NAV1: variants seen among roughly 807,000 people sequenced by gnomAD.
NAV1 encodes pore membrane and/or filament interacting like protein 3.
NAV1 carries 18 observed loss-of-function variants against 175.2 expected under a neutral mutation model. That is an observed-to-expected ratio of 0.10 (90% CI 0.07 to 0.15). The LOEUF is 0.15. NAV1 is among the 10% of genes least tolerant of loss of function. The pLI, the probability that NAV1 is intolerant of heterozygous loss-of-function variation, is 1.00. For missense variants in NAV1, 1,731 were observed against 2,436.6 expected, an observed-to-expected ratio of 0.71 and a Z score of 6.10; for synonymous variants, 897 against 978.7, an observed-to-expected ratio of 0.92 and a Z score of 1.56.
chr1:201,774,763 A>G (rs1675827666), intron 3 of NAV1, among the ~76,000 whole-genome samples: 1 of 152,214 alleles, frequency 6.6e-6, no homozygotes, highest in Admixed American at 6.5e-5. Flanking sequence ...CTTAGGATAT[A>G]TTTCACATAT....
intron 1 of NAV1, among the ~76,000 whole-genome samples, chr1:201,703,345 G>A (rs1369598013): frequency 3.3e-5 from 5 of 152,312 alleles, no homozygotes; most frequent in South Asian, 4.1e-4. Context: ...AGCCCAGCCC[G>A]GAAGTCCAAG....
In NAV1 at chr1:201,702,750, C is replaced by T. The variant is rs182983474; in HGVS notation, c.758-10067C>T. Reference sequence around the variant, plus strand: ...TCTCTCTCCCCATTCTGACTAGTGGCGACAATATTGGACTATGCGCTCTAG... The same window carrying T: ...TCTCTCTCCCCATTCTGACTAGTGGTGACAATATTGGACTATGCGCTCTAG... On this transcript the variant is annotated intron_variant, in intron 1 of 29. Coordinates refer to ENST00000367296, the Ensembl canonical transcript of NAV1. Among the ~76,000 whole-genome samples the T allele has an allele frequency of 1.3e-3, 185 of 145,490 alleles. 3 individuals carry two copies. Among genetic ancestry groups the T allele is most frequent in the African/African-American group, 4.7e-3 (181 of 38,514 alleles).
At chr1:201,692,733 A>C (rs1350055346) in intron 1 of NAV1, among the ~76,000 whole-genome samples, 1 of 152,288 alleles carries the variant, frequency 6.6e-6, no homozygotes, top group Non-Finnish European at 1.5e-5. Flanking sequence ...AGGTAGGATC[A>C]GAGGCAGAGC....
chr1:201,707,398 G>C (rs1024347000), intron 1 of NAV1, among the ~76,000 whole-genome samples: 3 of 152,182 alleles, frequency 2.0e-5, no homozygotes, highest in Non-Finnish European at 4.4e-5. Flanking sequence ...TTGTGAATTA[G>C]CTCTTTAAGC....
chr1:201,718,711 C>T lies in NAV1; in HGVS notation c.1182C>T (p.Asp394=), dbSNP rs762057299. Residue 394 remains aspartate, a synonymous_variant, in exon 3 of 30, where the codon GAC becomes GAT. Coordinates refer to ENST00000367296, the Ensembl canonical transcript of NAV1. The surrounding 1 kb of genome is among the most constrained non-coding windows in gnomAD (Gnocchi z 4.8). ...AGTCCGGCTACATGAGCGACAGTGA[C>T]CTCATGGGCAAGACCATGACGGAGG... The T allele has an allele frequency of 1.2e-6, 2 of 1,613,962 alleles. No homozygotes were observed. Among genetic ancestry groups the T allele is most frequent in the African/African-American group, 1.3e-5 (1 of 74,922 alleles).
At chr1:201,597,047 A>G (rs1413129191) in intron 2 of NAV1, among the ~76,000 whole-genome samples, 1 of 152,108 alleles carries the variant, frequency 6.6e-6, no homozygotes, top group Non-Finnish European at 1.5e-5. Flanking sequence ...GCTGGTCTCA[A>G]ACTCCTAACC....
chr1:201,697,832 C>T lies in NAV1; in HGVS notation c.758-14985C>T, dbSNP rs185575710. Among the ~76,000 whole-genome samples the T allele has an allele frequency of 3.0e-3, 455 of 152,322 alleles. 3 individuals are homozygous for T. The highest frequency in any genetic ancestry group is 0.011 in the African/African-American group (445 of 41,566). ...ACTTTAAAACAATGTGTGGAGCACCCACTGTGTTTGAGGTGTCAGAATGGG... is the reference window on the plus strand; with the variant it reads ...ACTTTAAAACAATGTGTGGAGCACCTACTGTGTTTGAGGTGTCAGAATGGG... On this transcript the variant is annotated intron_variant, in intron 1 of 29. Coordinates refer to ENST00000367296, the Ensembl canonical transcript of NAV1.
At chr1:201,666,866 C>A (rs1341566765) in intron 1 of NAV1, among the ~76,000 whole-genome samples, 1 of 152,128 alleles carries the variant, frequency 6.6e-6, no homozygotes, top group East Asian at 1.9e-4. Flanking sequence ...CTTGGCAGAA[C>A]CAGCAGGCAG....
chr1:201,720,853 C>T (rs1214655396), intron 3 of NAV1, among the ~76,000 whole-genome samples: 2 of 151,666 alleles, frequency 1.3e-5, no homozygotes, highest in Non-Finnish European at 2.9e-5. Flanking sequence ...TGATTCTTAC[C>T]GTCAGGGGTG....
At chr1:201,599,855 G>GA (rs1182265484) in intron 2 of NAV1, among the ~76,000 whole-genome samples, 4 of 152,100 alleles carry the variant, frequency 2.6e-5, no homozygotes, top group African/African-American at 7.2e-5. Flanking sequence ...GTTTGAGGGG[G>GA]AAAAAACAAC....
intron 2 of NAV1, among the ~76,000 whole-genome samples, chr1:201,604,211 C>T (rs149779478): frequency 6.9e-4 from 105 of 152,268 alleles, no homozygotes; most frequent in East Asian, 2.3e-3. Flanking sequence ...TGTGGCACCA[C>T]GCCTAGCTAA....
intron 1 of NAV1, among the ~76,000 whole-genome samples, chr1:201,682,754 G>GT (rs1448825603): frequency 2.0e-5 from 3 of 151,890 alleles, no homozygotes; most frequent in African/African-American, 7.3e-5. Context: ...GACCCACTAA[G>GT]TTCAAGTCCA....
At chr1:201,790,052 T>C (rs986758713) in intron 11 of NAV1, among the ~76,000 whole-genome samples, 9 of 152,098 alleles carry the variant, frequency 5.9e-5, no homozygotes, top group Non-Finnish European at 1.3e-4. Flanking sequence ...CTTTGAAAAA[T>C]GGAGAATCCC....
chr1:201,640,356 C>T (rs1668715404), intron 2 of NAV1, among the ~76,000 whole-genome samples: 1 of 152,184 alleles, frequency 6.6e-6, no homozygotes, highest in Non-Finnish European at 1.5e-5. Flanking sequence ...TGGATGAGGT[C>T]CTGGAGGTGT....
chr1:201,695,591 G>A (rs910709816), intron 1 of NAV1, among the ~76,000 whole-genome samples: 6 of 152,346 alleles, frequency 3.9e-5, no homozygotes, highest in African/African-American at 1.4e-4. Flanking sequence ...TTGTTTCCTG[G>A]GAATTTGGCT....
intron 1 of NAV1, among the ~76,000 whole-genome samples, chr1:201,697,716 T>G (rs1671248647): frequency 6.6e-6 from 1 of 152,218 alleles, no homozygotes; most frequent in Non-Finnish European, 1.5e-5. Context: ...CCAGACCTTA[T>G]GCCAGCAGCC....
intron 2 of NAV1, among the ~76,000 whole-genome samples, chr1:201,593,680 A>C (rs909125645): frequency 3.3e-5 from 5 of 152,144 alleles, no homozygotes; most frequent in Admixed American, 2.6e-4. Flanking sequence ...TGATTGCAAC[A>C]TTGTCATGGG....
At chr1:201,611,499 C>T (rs898708468) in intron 2 of NAV1, among the ~76,000 whole-genome samples, 3 of 152,126 alleles carry the variant, frequency 2.0e-5, no homozygotes, top group Non-Finnish European at 2.9e-5. Context: ...CGGCCTTATG[C>T]GGAGAGGGGG....
At chr1:201,786,474 C>T in exon 9 of NAV1, 1 of 1,613,986 alleles carries the variant, frequency 6.2e-7, no homozygotes, top group Non-Finnish European at 8.5e-7. Context: ...GGCGACATTC[C>T]CATACCATTG....
Sources: allele counts gnomAD v4.1 joint callset (sites outside exome capture counted in the v4.1 genomes callset), GRCh38; gene constraint gnomAD v4.1.1; non-coding constraint Gnocchi (gnomAD v3.1); transcripts MANE v1.5; gene names NCBI Gene and HGNC (gene_info 2026-07-23, HGNC 2026-07-21).